ZFAND3: variants seen among roughly 807,000 people sequenced by gnomAD.
The protein encoded by ZFAND3 is AN1-type zinc finger protein 3.
A neutral mutation model predicts 29.6 loss-of-function variants in ZFAND3; 10 were observed. The ratio of observed to expected loss-of-function variants is 0.34; its 90% CI spans 0.21 to 0.57. ZFAND3 has a LOEUF of 0.57. ZFAND3 is among the 20% of genes least tolerant of loss of function. ZFAND3 has a pLI of 0.86. For missense variants in ZFAND3, 230 were observed against 304.5 expected, an observed-to-expected ratio of 0.76 and a Z score of 1.82; for synonymous variants, 128 against 112.6, an observed-to-expected ratio of 1.14 and a Z score of -0.87.
intron 2 of ZFAND3, among the ~76,000 whole-genome samples, chr6:38,000,047 A>T (rs1024739404): frequency 3.9e-5 from 6 of 152,170 alleles, no homozygotes; most frequent in Non-Finnish European, 5.9e-5. Flanking sequence ...AAGCTTTTTT[A>T]AAAAAGGAAA....
intron 4 of ZFAND3, among the ~76,000 whole-genome samples, chr6:38,099,398 A>G (rs567998929): frequency 1.3e-5 from 2 of 152,208 alleles, no homozygotes; most frequent in Admixed American, 6.5e-5. Context: ...GCATACACAT[A>G]CTCTGCCATA....
chr6:37,968,622 C>T (rs1561950654), intron 2 of ZFAND3, among the ~76,000 whole-genome samples: 2 of 152,158 alleles, frequency 1.3e-5, no homozygotes, highest in Non-Finnish European at 2.9e-5. Context: ...TTGGCACACT[C>T]ATTCCCAAGA....
At chr6:37,936,903 G>A (rs903250060) in intron 2 of ZFAND3, among the ~76,000 whole-genome samples, 2 of 152,142 alleles carry the variant, frequency 1.3e-5, no homozygotes, top group African/African-American at 4.8e-5. Flanking sequence ...AACAATGCTG[G>A]GCGCAGGGTG....
In ZFAND3 at chr6:37,884,231, C is replaced by G. The variant is rs189358929; in HGVS notation, c.72-45728C>G. 4.8e-5 allele frequency among the ~76,000 whole-genome samples: 7 copies of G among 145,118 alleles called. No homozygotes were observed. In the East Asian group the frequency reaches 1.2e-3, roughly 24 times the overall value. ...TCAGGTGGCTGGATGCGGTGGCTCA[C>G]GCCTGTAATCCCAGCACTTTGGGCG... On this transcript the variant is annotated intron_variant, in intron 1 of 5. Coordinates refer to ENST00000287218, the MANE Select transcript of ZFAND3 (RefSeq NM_021943.3).
At chr6:38,077,584 G>A (rs374545937) in intron 3 of ZFAND3, among the ~76,000 whole-genome samples, 6 of 152,118 alleles carry the variant, frequency 3.9e-5, no homozygotes, top group Non-Finnish European at 5.9e-5. Flanking sequence ...GACCAATTCC[G>A]TGGTAGTCTA....
chr6:38,098,019 GA>G (rs1219789826), intron 4 of ZFAND3, among the ~76,000 whole-genome samples: 1 of 152,142 alleles, frequency 6.6e-6, no homozygotes, highest in Non-Finnish European at 1.5e-5. Context: ...TTATAATTGG[GA>G]AAATCAGACT....
At chr6:38,026,421 ATTTTTTTTTTT>A (rs10715149) in intron 2 of ZFAND3, among the ~76,000 whole-genome samples, 7 of 74,868 alleles carry the variant, frequency 9.3e-5, no homozygotes, top group African/African-American at 2.8e-4. Context: ...TTACTTTAGG[ATTTTTTTTTTT>A]TTTTTTTTTT....
chr6:38,057,979 G>A (rs1046399907), intron 2 of ZFAND3, among the ~76,000 whole-genome samples: 11 of 152,146 alleles, frequency 7.2e-5, no homozygotes, highest in Non-Finnish European at 7.4e-5. Flanking sequence ...CATAGAAGGA[G>A]TATGGGTTAA....
chr6:37,997,991 T>G, intron 2 of ZFAND3, among the ~76,000 whole-genome samples: 1 of 152,174 alleles, frequency 6.6e-6, no homozygotes, highest in South Asian at 2.1e-4. Flanking sequence ...TTTGAAAACT[T>G]AGGTTCACAG....
intron 2 of ZFAND3, among the ~76,000 whole-genome samples, chr6:37,982,063 G>A (rs1175561668): frequency 2.0e-5 from 3 of 152,110 alleles, no homozygotes; most frequent in African/African-American, 7.2e-5. Flanking sequence ...CCTTAGTCTG[G>A]CTTAGTGAAA....
chr6:38,076,572 A>T (rs1025682463), intron 3 of ZFAND3, among the ~76,000 whole-genome samples: 8 of 152,208 alleles, frequency 5.3e-5, no homozygotes, highest in African/African-American at 1.4e-4. Context: ...AGTGTGAAAG[A>T]TCATGCACTG....
chr6:38,093,721 A>G (rs1764917796), intron 4 of ZFAND3, among the ~76,000 whole-genome samples: 1 of 152,176 alleles, frequency 6.6e-6, no homozygotes, highest in Non-Finnish European at 1.5e-5. Flanking sequence ...ATGTGTGGGA[A>G]ACGAAAGCCT....
At chr6:38,008,331 C>T (rs1431348146) in intron 2 of ZFAND3, among the ~76,000 whole-genome samples, 1 of 152,136 alleles carries the variant, frequency 6.6e-6, no homozygotes, top group Admixed American at 6.5e-5. Context: ...GGCTTGAAAA[C>T]TGTTTTTAAG....
At chr6:38,110,334 C>G (rs1448880981) in intron 4 of ZFAND3, among the ~76,000 whole-genome samples, 1 of 151,988 alleles carries the variant, frequency 6.6e-6, no homozygotes, top group East Asian at 1.9e-4. Flanking sequence ...AAGGTGTTTT[C>G]TCAAAGTCTT....
intron 2 of ZFAND3, among the ~76,000 whole-genome samples, chr6:38,002,453 C>T (rs535341041): frequency 2.9e-4 from 44 of 151,894 alleles, no homozygotes; most frequent in African/African-American, 9.4e-4. Context: ...CTGAGGCGGG[C>T]GGATTGCTTG....
Position 37,914,672 on chromosome 6 carries a change from C to CTTTTTTTTTTTTTTTTTTTTTTTT in ZFAND3, c.72-15277_72-15276insTTTTTTTTTTTTTTTTTTTTTTTT, listed in dbSNP as rs71542148. ...TTTCTTTCTTTCTTTCTTTTTTTTT[C>CTTTTTTTTTTTTTTTTTTTTTTTT]TTTTTTTTTTAGTGGAGACGGGGTT... On this transcript the variant is annotated intron_variant, in intron 1 of 5. Transcript: ENST00000287218. Among the ~76,000 whole-genome samples, 19 of 114,208 alleles carry CTTTTTTTTTTTTTTTTTTTTTTTT rather than the reference C, an allele frequency of 1.7e-4. 1 individual carries two copies. The highest frequency in any genetic ancestry group is 2.3e-4 in the Non-Finnish European group (13 of 56,576). 74.9% of individuals were successfully genotyped at this position (114,208 alleles called of 152,430 possible).
chr6:37,876,851 A>G (rs189256792), intron 1 of ZFAND3, among the ~76,000 whole-genome samples: 14 of 152,278 alleles, frequency 9.2e-5, no homozygotes, highest in Non-Finnish European at 2.1e-4. Context: ...ATACACGTAC[A>G]TATACCTTGG....
intron 1 of ZFAND3, among the ~76,000 whole-genome samples, chr6:37,828,429 A>G (rs1281337895): frequency 2.0e-5 from 3 of 152,188 alleles, no homozygotes; most frequent in Non-Finnish European, 2.9e-5. Context: ...CGGCAGAAAA[A>G]TGTACTGGCA....
intron 2 of ZFAND3, among the ~76,000 whole-genome samples, chr6:37,985,523 ACACACCCC>A (rs1212247068): frequency 6.8e-6 from 1 of 148,050 alleles, no homozygotes; most frequent in Non-Finnish European, 1.5e-5. Context: ...ACACACACAC[ACACACCCC>A]CACACACGCC....
Sources: gnomAD v4.1 joint callset for allele counts (sites outside exome capture counted in the v4.1 genomes callset) on GRCh38, gnomAD v4.1.1 for gene constraint, MANE v1.5 for transcripts, NCBI Gene and HGNC (gene_info 2026-07-23, HGNC 2026-07-21) for gene names.